Variants in CNTNAP2 observed in about 807,000 individuals in gnomAD.
CNTNAP2 encodes the protein contactin associated protein 2.
CNTNAP2 carries 98 observed loss-of-function variants against 155.2 expected under a neutral mutation model. That is an observed-to-expected ratio of 0.63 (90% CI 0.54 to 0.75). The LOEUF is 0.75. Among genes scored for constraint, CNTNAP2 ranks in the 30% least tolerant of loss-of-function variants. The pLI is 0.00. For synonymous variants in CNTNAP2, 651 were observed against 631.2 expected (o/e 1.03, Z -0.47); for missense variants, 1,727 against 1,688.1 (o/e 1.02, Z -0.40).
chr7:148,309,768 T>C (rs563494118), intron 21 of CNTNAP2, among the ~76,000 whole-genome samples: 5 of 152,300 alleles, frequency 3.3e-5, no homozygotes, highest in Admixed American at 3.3e-4. Flanking sequence ...GCCATCTGGA[T>C]GTATACGTGC....
chr7:146,152,809 G>T (rs1427033523), intron 1 of CNTNAP2, among the ~76,000 whole-genome samples: 1 of 152,072 alleles, frequency 6.6e-6, no homozygotes, highest in East Asian at 1.9e-4. Context: ...TCTATGCATG[G>T]ATCAATCTGT....
chr7:146,349,545 G>A (rs1318556404), intron 1 of CNTNAP2, among the ~76,000 whole-genome samples: 5 of 152,110 alleles, frequency 3.3e-5, no homozygotes, highest in African/African-American at 9.7e-5. Context: ...GTTAGTTGAC[G>A]CAGTTTTCTT....
chr7:146,891,352 A>G (rs1321823326), intron 3 of CNTNAP2, among the ~76,000 whole-genome samples: 1 of 152,182 alleles, frequency 6.6e-6, no homozygotes, highest in East Asian at 1.9e-4. Flanking sequence ...TCAGTGTCAC[A>G]CAATATACCC....
chr7:147,934,630 G>T (rs1458973245), intron 14 of CNTNAP2, among the ~76,000 whole-genome samples: 2 of 152,234 alleles, frequency 1.3e-5, no homozygotes, highest in Non-Finnish European at 2.9e-5. Context: ...ATACTTCAAG[G>T]TGTTTTACCT....
intron 10 of CNTNAP2, among the ~76,000 whole-genome samples, chr7:147,430,883 T>C (rs192858300): frequency 6.6e-6 from 1 of 152,000 alleles, no homozygotes; most frequent in African/African-American, 2.4e-5. Context: ...GCTAACACAG[T>C]GAGACACCGT....
At chr7:147,404,527 G>A (rs1033342197) in intron 10 of CNTNAP2, among the ~76,000 whole-genome samples, 4 of 151,996 alleles carry the variant, frequency 2.6e-5, no homozygotes, top group Non-Finnish European at 4.4e-5. Flanking sequence ...GTTGCAAATC[G>A]CTATGCTCTA....
chr7:146,454,956 T>C (rs1307074362), intron 1 of CNTNAP2, among the ~76,000 whole-genome samples: 1 of 152,194 alleles, frequency 6.6e-6, no homozygotes, highest in Non-Finnish European at 1.5e-5. Flanking sequence ...AGCCAGTCCG[T>C]ATATGGCTAC....
intron 21 of CNTNAP2, among the ~76,000 whole-genome samples, chr7:148,352,703 T>C (rs1020877859): frequency 5.3e-5 from 8 of 152,106 alleles, no homozygotes; most frequent in African/African-American, 1.2e-4. Context: ...AAACTGATGG[T>C]AGGAGTATGG....
At chr7:146,683,539 A>T (rs1461416980) in intron 1 of CNTNAP2, among the ~76,000 whole-genome samples, 1 of 152,236 alleles carries the variant, frequency 6.6e-6, no homozygotes, top group African/African-American at 2.4e-5. Context: ...TCTGTGTGTC[A>T]TACCGGACAT....
chr7:148,037,889 G>T (rs562335918), intron 15 of CNTNAP2, among the ~76,000 whole-genome samples: 5 of 152,068 alleles, frequency 3.3e-5, no homozygotes, highest in Non-Finnish European at 7.4e-5. Context: ...CATGTTCTTT[G>T]ACTTACAGTA....
chr7:148,412,504 T>G (rs1056296764), intron 23 of CNTNAP2, among the ~76,000 whole-genome samples: 15 of 152,252 alleles, frequency 9.9e-5, no homozygotes, highest in African/African-American at 3.6e-4. Flanking sequence ...TTTCTAAGTG[T>G]CTCTCTCTGG....
intron 13 of CNTNAP2, among the ~76,000 whole-genome samples, chr7:147,827,959 T>A (rs562145456): frequency 1.3e-5 from 2 of 152,210 alleles, no homozygotes; most frequent in Non-Finnish European, 2.9e-5. Context: ...TTCTTCCTAT[T>A]CTTATGATTT....
intron 13 of CNTNAP2, among the ~76,000 whole-genome samples, chr7:147,857,537 T>C (rs996752052): frequency 6.6e-6 from 1 of 152,196 alleles, no homozygotes; most frequent in Non-Finnish European, 1.5e-5. Flanking sequence ...ACCTGATAAA[T>C]ATTAAAACTA....
At chr7:146,687,038 C>A (rs376702869) in intron 1 of CNTNAP2, among the ~76,000 whole-genome samples, 1 of 152,078 alleles carries the variant, frequency 6.6e-6, no homozygotes, top group Non-Finnish European at 1.5e-5. Context: ...TTCTTCTGAG[C>A]GAGGTGCATG....
intron 1 of CNTNAP2, among the ~76,000 whole-genome samples, chr7:146,461,417 T>TATATATATATA (rs1554436612): frequency 1.4e-5 from 2 of 145,188 alleles, no homozygotes; most frequent in African/African-American, 5.2e-5. Flanking sequence ...AAAAAAAAAA[T>TATATATATATA]ATAATAATAA....
chr7:147,016,165 G>C (rs962068892), intron 3 of CNTNAP2, among the ~76,000 whole-genome samples: 2 of 151,812 alleles, frequency 1.3e-5, no homozygotes, highest in Non-Finnish European at 2.9e-5. Context: ...GCTAATTTGA[G>C]CAGAATTTAG....
Position 148,289,909 on chromosome 7 carries a change from C to T in CNTNAP2, c.3475+22783C>T, listed in dbSNP as rs1797159741. Among the ~76,000 whole-genome samples, 3 of 152,160 alleles carry T rather than the reference C, an allele frequency of 2.0e-5. No individual in the cohort carries two copies. The South Asian group carries it at 6.2e-4, about 32-fold the overall frequency. On this transcript the variant is annotated intron_variant, in intron 21 of 23. Transcript: ENST00000361727. ...CCACTTTCACACAAACCTTTTAAAG[C>T]CTGAGTTATTTTTTGCAATGACAAA...
intron 1 of CNTNAP2, among the ~76,000 whole-genome samples, chr7:146,492,347 T>A (rs1177659231): frequency 2.0e-5 from 3 of 152,220 alleles, no homozygotes; most frequent in Non-Finnish European, 4.4e-5. Context: ...TGGCAAATAC[T>A]GTGCCCTTCC....
In CNTNAP2 at chr7:147,350,952, CATT is replaced by C. The variant is rs577694007; in HGVS notation, c.1499-44656_1499-44654del. Among the ~76,000 whole-genome samples the C allele has an allele frequency of 2.9e-3, 444 of 151,858 alleles. 3 individuals carry two copies. Among genetic ancestry groups the C allele is most frequent in the African/African-American group, 0.01 (421 of 41,502 alleles). ...ACCCTCCACAAATAACAAATATGAT[CATT>C]TTCATTTGGCTATTTTTAATATAAA... On this transcript the variant is annotated intron_variant, in intron 9 of 23. Coordinates refer to ENST00000361727, the MANE Select transcript of CNTNAP2 (RefSeq NM_014141.6).
Sources: allele counts gnomAD v4.1 joint callset (sites outside exome capture counted in the v4.1 genomes callset), GRCh38; gene constraint gnomAD v4.1.1; transcripts MANE v1.5; gene names NCBI Gene and HGNC (gene_info 2026-07-23, HGNC 2026-07-21).